The following PHC2 variants were observed in gnomAD, a reference collection of about 807,000 sequenced individuals.
The protein encoded by PHC2 is polyhomeotic homolog 2.
PHC2 carries 29 observed loss-of-function variants against 87.4 expected under a neutral mutation model. That is an observed-to-expected ratio of 0.33 (90% CI 0.25 to 0.45). The LOEUF (loss-of-function observed/expected upper bound fraction) is 0.45, where lower values mean the gene tolerates loss of function less well. PHC2 is among the 20% of genes least tolerant of loss of function. The pLI is 1.00. For synonymous variants in PHC2, 438 were observed against 461.7 expected, an observed-to-expected ratio of 0.95 and a Z score of 0.66; for missense variants, 857 against 1,136.7, an observed-to-expected ratio of 0.75 and a Z score of 3.54.
chr1:33,430,631 C>T (rs1650874058), intron 1 of PHC2, among the ~76,000 whole-genome samples: 1 of 152,026 alleles, frequency 6.6e-6, no homozygotes, highest in South Asian at 2.1e-4. Flanking sequence ...GGCCCGTTCC[C>T]GTTCCGGTTC....
At chr1:33,370,049 G>T (rs1444992513) in intron 5 of PHC2, among the ~76,000 whole-genome samples, 2 of 152,158 alleles carry the variant, frequency 1.3e-5, no homozygotes, top group African/African-American at 4.8e-5. Context: ...GGAAGGGGAA[G>T]ACTCCATTTC....
chr1:33,359,232 G>A (rs1437575832), intron 7 of PHC2, among the ~76,000 whole-genome samples: 1 of 152,204 alleles, frequency 6.6e-6, no homozygotes, highest in Non-Finnish European at 1.5e-5. Flanking sequence ...AGACAACATG[G>A]TGGGACTTGT....
chr1:33,341,017 T>C (rs1204052046), intron 9 of PHC2, among the ~76,000 whole-genome samples: 1 of 152,092 alleles, frequency 6.6e-6, no homozygotes, highest in African/African-American at 2.4e-5. Context: ...TTAAATGTCC[T>C]AGATGAAGCA....
chr1:33,349,512 G>C lies in PHC2; in HGVS notation c.1558+4889C>G. The C allele has an allele frequency of 1.0e-6, 1 of 984,730 alleles. No homozygotes were observed. The highest frequency in any genetic ancestry group is 1.2e-6 in the Non-Finnish European group (1 of 829,470). 61.0% of individuals were successfully genotyped at this position (984,730 alleles called of 1,614,324 possible). On this transcript the variant is annotated intron_variant, in intron 9 of 14. Transcript: ENST00000683057. This position sits in a 1 kb window ranked among gnomAD's most constrained non-coding sequence, Gnocchi z 4.2. ...GTAGGCCCGGGCCGTTAGGGGCACCGAGGGCGGTGCCCGACTTCCAGTGCG... is the reference window on the plus strand; with the variant it reads ...GTAGGCCCGGGCCGTTAGGGGCACCCAGGGCGGTGCCCGACTTCCAGTGCG...
At chr1:33,397,742 T>C (rs1042662696) in intron 1 of PHC2, among the ~76,000 whole-genome samples, 20 of 152,056 alleles carry the variant, frequency 1.3e-4, no homozygotes, top group African/African-American at 4.8e-4. Flanking sequence ...CTTTGGAATA[T>C]TGTTGGGGGT....
At chr1:33,410,923 A>G (rs968249788) in intron 1 of PHC2, among the ~76,000 whole-genome samples, 1 of 152,222 alleles carries the variant, frequency 6.6e-6, no homozygotes, top group African/African-American at 2.4e-5. Context: ...TTAAATAGCA[A>G]GCATGATAAA....
intron 1 of PHC2, among the ~76,000 whole-genome samples, chr1:33,376,548 T>A (rs1246936066): frequency 6.6e-6 from 1 of 152,238 alleles, no homozygotes; most frequent in Non-Finnish European, 1.5e-5. Flanking sequence ...ATCAGCCTTT[T>A]CATCGTTGGG....
chr1:33,345,908 T>G (rs1646835861), intron 9 of PHC2: 1 of 985,160 alleles, frequency 1.0e-6, no homozygotes, highest in African/African-American at 1.7e-5. Context: ...AAGTCATTGC[T>G]TCAAGTGAAG....
At chr1:33,374,345 C>T (rs761047241) in intron 2 of PHC2, among the ~76,000 whole-genome samples, 11 of 152,128 alleles carry the variant, frequency 7.2e-5, no homozygotes, top group South Asian at 2.1e-4. Flanking sequence ...ATCTGAATGC[C>T]GTGGCTATAA....
chr1:33,325,693 A>AC, intron 14 of PHC2: 1 of 342,908 alleles, frequency 2.9e-6, no homozygotes, highest in Non-Finnish European at 5.9e-6. Context: ...TCGATTCCTG[A>AC]CCCACATGGC....
intron 1 of PHC2, among the ~76,000 whole-genome samples, chr1:33,393,202 T>C (rs1182206031): frequency 2.0e-5 from 3 of 152,098 alleles, no homozygotes; most frequent in Admixed American, 1.3e-4. Flanking sequence ...CCTCGAATAC[T>C]CTGAAAACCC....
chr1:33,406,687 T>A (rs930786210), intron 1 of PHC2, among the ~76,000 whole-genome samples: 2 of 152,268 alleles, frequency 1.3e-5, no homozygotes, highest in African/African-American at 4.8e-5. Context: ...TCTGTTTTTG[T>A]TTGCCTCAAA....
At chr1:33,422,033 G>T (rs1650454524) in intron 1 of PHC2, among the ~76,000 whole-genome samples, 1 of 152,158 alleles carries the variant, frequency 6.6e-6, no homozygotes, top group East Asian at 1.9e-4. Flanking sequence ...CCTTATTTCT[G>T]CAATGACCCT....
chr1:33,350,027 C>T (rs1646937422), intron 9 of PHC2: 1 of 218,210 alleles, frequency 4.6e-6, no homozygotes, highest in Admixed American at 6.5e-5. Context: ...TGCGGCGAGC[C>T]CCGCCTCGCG....
In PHC2 at chr1:33,354,414, C is replaced by T. The variant is rs557095087; in HGVS notation, c.1545G>A (p.Pro515=). Residue 515 remains proline, a synonymous_variant, in exon 9 of 15, where the codon CCG becomes CCA. Coordinates refer to ENST00000683057, the MANE Select transcript of PHC2 (RefSeq NM_001385109.1). ...LPVPTSPNIQ[P]SPAHETGQGI... ...TGTGCTTCATACCGTGAGCTGGGGA[C>T]GGCTGGATGTTAGGGCTCGTGGGTA... 41 of 1,612,704 alleles carry T rather than the reference C, an allele frequency of 2.5e-5. No individual in the cohort carries two copies. The highest frequency in any genetic ancestry group is 6.7e-5 in the Admixed American group (4 of 59,896).
chr1:33,329,273 A>G, intron 13 of PHC2, 127 bp from the exon 14 acceptor site: 1 of 886,154 alleles, frequency 1.1e-6, no homozygotes, highest in South Asian at 1.7e-5. Flanking sequence ...CAGATCTAAC[A>G]GCATCTTCCA....
At chr1:33,336,092 G>A (rs894809841) in intron 9 of PHC2, among the ~76,000 whole-genome samples, 7 of 151,350 alleles carry the variant, frequency 4.6e-5, no homozygotes, top group African/African-American at 1.2e-4. Context: ...AGGTTCAAGC[G>A]ATTCTCCTGC....
In PHC2 at chr1:33,331,330, GGGGCT is replaced by G. The variant is rs769762686; in HGVS notation, c.2006+13_2006+17del. 7.3e-7 allele frequency: 1 copy of G among 1,371,542 alleles called. No homozygotes were observed. Among genetic ancestry groups the G allele is most frequent in the African/African-American group, 1.4e-5 (1 of 70,130 alleles). The allele number at this position is 1,371,542 out of a possible 1,614,324, so 85.0% of individuals were successfully genotyped here. A position where few individuals can be genotyped will look rare whatever the true frequency, so the allele number is the denominator to read the frequency against. ...AAAGTGCAGTCCTGGGGAAATGGAG[GGGGCT>G]GGGGCCACTCACCTCTTTGCACAAG... On this transcript the variant is annotated intron_variant, in intron 12 of 14. Transcript: ENST00000683057. This position sits in a 1 kb window ranked among gnomAD's most constrained non-coding sequence, Gnocchi z 5.2.
At position 33,349,456 on chromosome 1, in the gene PHC2, A is replaced by C; in HGVS notation, c.1558+4945T>G. On this transcript the variant is annotated intron_variant, in intron 9 of 14. Transcript: ENST00000683057. The surrounding 1 kb of genome is among the most constrained non-coding windows in gnomAD (Gnocchi z 4.2). ...GCACCTCCCAGGCGCCGCGCGGACG[A>C]GAGCCGCGACTGGCACGGCCTGGCA... is the stretch of plus-strand genomic sequence containing the variant. The C allele has an allele frequency of 1.0e-6, 1 of 985,188 alleles. No individual in the cohort carries two copies. Among genetic ancestry groups the C allele is most frequent in the South Asian group, 4.7e-5 (1 of 21,284 alleles). 61.0% of individuals were successfully genotyped at this position (985,188 alleles called of 1,614,324 possible).
Sources: gnomAD v4.1 joint callset for allele counts (sites outside exome capture counted in the v4.1 genomes callset) on GRCh38, gnomAD v4.1.1 for gene constraint, Gnocchi (gnomAD v3.1) non-coding constraint, MANE v1.5 for transcripts, NCBI Gene and HGNC (gene_info 2026-07-23, HGNC 2026-07-21) for gene names.